Variants in PSME4 observed in about 807,000 individuals in gnomAD.
PSME4 encodes proteasome activator subunit 4, also known as proteasome activator complex subunit 4.
A neutral mutation model predicts 253.9 loss-of-function variants in PSME4; 89 were observed. The ratio of observed to expected loss-of-function variants is 0.35; its 90% confidence interval spans 0.30 to 0.42. The LOEUF is 0.42. Among genes scored for constraint, PSME4 ranks in the 10% least tolerant of loss-of-function variants. PSME4 has a pLI of 1.00. For missense variants in PSME4, 2,014 were observed against 2,195.2 expected (o/e 0.92, Z 1.65); for synonymous variants, 851 against 759.2 (o/e 1.12, Z -1.99).
chr2:53,910,302 C>G (rs1274439210), intron 20 of PSME4, among the ~76,000 whole-genome samples, 172 bp from the exon 21 acceptor site: 2 of 152,162 alleles, frequency 1.3e-5, no homozygotes, highest in Non-Finnish European at 2.9e-5. Context: ...AAGATGAATG[C>G]TGTTTCAGTA....
At chr2:53,930,102 C>A (rs188740095) in intron 10 of PSME4, among the ~76,000 whole-genome samples, 97 of 152,070 alleles carry the variant, frequency 6.4e-4, no homozygotes, top group Admixed American at 4.7e-3. Flanking sequence ...CAAATTACAA[C>A]TGAAAGTCTC....
At chr2:53,970,041 T>C (rs570466367) in intron 1 of PSME4, among the ~76,000 whole-genome samples, 51 of 152,236 alleles carry the variant, frequency 3.4e-4, no homozygotes, top group Middle Eastern at 3.4e-3. Flanking sequence ...AGTTTCCCTA[T>C]GGTCTTCTCT....
intron 20 of PSME4, among the ~76,000 whole-genome samples, chr2:53,913,760 A>T (rs1031796171): frequency 3.3e-5 from 5 of 152,252 alleles, no homozygotes; most frequent in African/African-American, 1.2e-4. Context: ...ATGTTGCTAG[A>T]TTTTAAATTA....
At chr2:53,895,329 G>A (rs1225585057) in intron 33 of PSME4, among the ~76,000 whole-genome samples, 1 of 152,096 alleles carries the variant, frequency 6.6e-6, no homozygotes, top group African/African-American at 2.4e-5. Flanking sequence ...TAATAGGTAG[G>A]AATATAATTT....
At position 53,901,516 on chromosome 2, in the gene PSME4, A is replaced by C. The variant is rs762529790; in HGVS notation, c.3119T>G (p.Leu1040Trp). 6.2e-6 allele frequency: 10 copies of C among 1,613,900 alleles called. No homozygotes were observed. Among genetic ancestry groups the C allele is most frequent in the Non-Finnish European group, 8.5e-6 (10 of 1,179,822 alleles). Residue 1040 changes from leucine (L) to tryptophan (W), a missense_variant, in exon 28 of 47, where the codon TTG becomes TGG. By Grantham distance (61) the Leu-to-Trp change is moderately conservative. Transcript: ENST00000404125. ...ACAGTCCCAATCATGAAGGTTTGCC[A>C]AGCACACACCACTGTGATTTCCAAG... ...CLLGNHSGVC[L>W]ANLHDWDCIV...
chr2:53,875,147 G>T (rs1429484296), intron 42 of PSME4, among the ~76,000 whole-genome samples: 5 of 152,180 alleles, frequency 3.3e-5, no homozygotes, highest in Non-Finnish European at 7.3e-5. Context: ...ATTTTCCAGT[G>T]TGGTTATCAA....
In PSME4 at chr2:53,944,322, C is replaced by A. The variant is rs370024807; in HGVS notation, c.500+4099G>T. Among the ~76,000 whole-genome samples, 9 of 152,178 alleles carry A rather than the reference C, an allele frequency of 5.9e-5. No homozygotes were observed. The South Asian group carries it at 1.7e-3, about 28-fold the overall frequency. ...TACAGGCATGCGCCATCACACCAGG[C>A]TAATTTTTGTGTTTTTAGTAGAGAT... On this transcript the variant is annotated intron_variant, in intron 3 of 46. Transcript: ENST00000404125.
chr2:53,914,950 C>A (rs1436196209), intron 20 of PSME4, among the ~76,000 whole-genome samples: 1 of 152,162 alleles, frequency 6.6e-6, no homozygotes, highest in Non-Finnish European at 1.5e-5. Context: ...AAAGTGGATA[C>A]CATTAGGTAG....
At position 53,934,747 on chromosome 2, in the gene PSME4, A is replaced by G; in HGVS notation, c.835-20T>C. The G allele has an allele frequency of 6.5e-7, 1 of 1,538,414 alleles. No individual in the cohort carries two copies. The highest frequency in any genetic ancestry group is 8.9e-7 in the Non-Finnish European group (1 of 1,118,470). On this transcript the variant is annotated intron_variant, in intron 7 of 46. Coordinates refer to ENST00000404125, the MANE Select transcript of PSME4 (RefSeq NM_014614.3). ...AAATATCTTTTAAAAGAAAAAAATA[A>G]GTAAGGATATTTACAGGTATCAAAA...
intron 43 of PSME4, among the ~76,000 whole-genome samples, chr2:53,871,863 A>C (rs1265352559): frequency 2.6e-5 from 4 of 151,848 alleles, no homozygotes; most frequent in Non-Finnish European, 4.4e-5. Context: ...AAAATATAAA[A>C]ATTAGCTGGG....
chr2:53,963,274 G>C (rs775042390), intron 1 of PSME4, among the ~76,000 whole-genome samples: 17 of 152,002 alleles, frequency 1.1e-4, no homozygotes, highest in Middle Eastern at 3.4e-3. Flanking sequence ...TAAAACAGGG[G>C]GGTATGATTG....
chr2:53,903,015 G>T (rs142060785), intron 27 of PSME4, among the ~76,000 whole-genome samples: 2 of 152,116 alleles, frequency 1.3e-5, no homozygotes, highest in African/African-American at 4.8e-5. Context: ...GATTCTTCCC[G>T]ATTTCTTGAT....
At chr2:53,953,374 G>A (rs551452627) in intron 1 of PSME4, among the ~76,000 whole-genome samples, 8 of 151,254 alleles carry the variant, frequency 5.3e-5, no homozygotes, top group African/African-American at 1.7e-4. Flanking sequence ...GGGCAAAAAG[G>A]CTGGGCGTAG....
intron 31 of PSME4, 77 bp from the exon 32 acceptor site, chr2:53,896,962 G>A (rs1381681958): frequency 9.3e-7 from 1 of 1,077,092 alleles, no homozygotes; most frequent in African/African-American, 1.6e-5. Context: ...ACTCAAAGCA[G>A]AAATAGGATT....
chr2:53,940,146 G>A (rs939078535), intron 3 of PSME4, 146 bp from the exon 4 acceptor site: 13 of 559,688 alleles, frequency 2.3e-5, no homozygotes, highest in Non-Finnish European at 3.5e-5. Context: ...TCATACAAAC[G>A]GAACTGCAAG....
chr2:53,878,424 A>G lies in PSME4; in HGVS notation c.4816-2669T>C, dbSNP rs1186744520. On this transcript the variant is annotated intron_variant, in intron 41 of 46. Transcript: ENST00000404125. The stretch of plus-strand genomic sequence containing the variant: ...TGTTTAAACAATATGAAATCTGGGC[A>G]CCTTGAAAAAAGAACAGGATAACAG... Among the ~76,000 whole-genome samples the G allele has an allele frequency of 1.3e-4, 20 of 152,342 alleles. No homozygotes were observed. The East Asian group carries it at 3.7e-3, about 28-fold the overall frequency.
intron 27 of PSME4, among the ~76,000 whole-genome samples, chr2:53,903,665 G>C (rs943802715): frequency 6.6e-6 from 1 of 152,040 alleles, no homozygotes; most frequent in Non-Finnish European, 1.5e-5. Flanking sequence ...CCATATGCCA[G>C]CCAGGCTACT....
intron 20 of PSME4, among the ~76,000 whole-genome samples, chr2:53,911,232 A>C (rs1667814563): frequency 6.6e-6 from 1 of 152,198 alleles, no homozygotes; most frequent in South Asian, 2.1e-4. Context: ...CTCAAGTTTC[A>C]AAACCAAGCC....
intron 18 of PSME4, 144 bp downstream of exon 18, chr2:53,920,745 A>C: frequency 1.3e-6 from 1 of 745,912 alleles, no homozygotes; most frequent in Non-Finnish European, 2.2e-6. Context: ...GTGAGACAGC[A>C]CAAGTTTCAC....
Sources: allele counts gnomAD v4.1 joint callset (sites outside exome capture counted in the v4.1 genomes callset), GRCh38; gene constraint gnomAD v4.1.1; transcripts MANE v1.5; gene names NCBI Gene and HGNC (gene_info 2026-07-23, HGNC 2026-07-21).